SLC22A12: variants seen among roughly 807,000 people sequenced by gnomAD.
The protein encoded by SLC22A12 is organic anion transporter 4-like protein.
SLC22A12 carries 56 observed loss-of-function variants against 52.7 expected under a neutral mutation model. The ratio of observed to expected loss-of-function variants is 1.06; its 90% CI spans 0.86 to 1.33. The LOEUF is 1.33. SLC22A12 is among the 40% of genes most tolerant of loss of function. The pLI is 0.00. For missense variants in SLC22A12, 683 were observed against 741.5 expected, an observed-to-expected ratio of 0.92 and a Z score of 0.92; for synonymous variants, 337 against 324.6, an observed-to-expected ratio of 1.04 and a Z score of -0.41.
intron 4 of SLC22A12, 117 bp downstream of exon 4, chr11:64,593,920 G>A: frequency 7.1e-7 from 1 of 1,414,270 alleles, no homozygotes; most frequent in Non-Finnish European, 9.6e-7. Flanking sequence ...AGGGGTGCAT[G>A]GGCTGGAGGA....
chr11:64,598,308 C>T (rs1251974136), intron 4 of SLC22A12, among the ~76,000 whole-genome samples: 1 of 152,064 alleles, frequency 6.6e-6, no homozygotes, highest in Non-Finnish European at 1.5e-5. Flanking sequence ...ACCACAATCC[C>T]TAGGAGGGAG....
chr11:64,599,066 G>A (rs1270510425), intron 6 of SLC22A12, 143 bp downstream of exon 6: 33 of 1,270,734 alleles, frequency 2.6e-5, no homozygotes, highest in African/African-American at 5.9e-5. Flanking sequence ...AGTCACTCCC[G>A]ACAGGAGACA....
At chr11:64,595,518 AATGGATGGATGGATGGTTGGAATGG>A (rs776235854) in intron 4 of SLC22A12, among the ~76,000 whole-genome samples, 65,904 of 92,764 alleles carry the variant, frequency 0.71, 26,803 homozygotes, top group Non-Finnish European at 0.9. Context: ...GGTTGGAATG[AATGGATGGATGGATGGTTGGAATGG>A]ATGGATGGAT....
At position 64,600,855 on chromosome 11, in the gene SLC22A12, A is replaced by G; in HGVS notation, c.1515A>G (p.Pro505=). The G allele has an allele frequency of 6.2e-7, 1 of 1,608,834 alleles. No homozygotes were observed. Among genetic ancestry groups the G allele is most frequent in the Non-Finnish European group, 8.5e-7 (1 of 1,179,968 alleles). The change falls in exon 9 of 10, where the codon CCA becomes CCG. Residue 505 remains proline (P), a synonymous_variant. Coordinates refer to ENST00000377574, the MANE Select transcript of SLC22A12 (RefSeq NM_144585.4). ...WLPLLVYGTV[P]VLSGLAALLL... is the part of the protein sequence containing the mutation. The stretch of plus-strand genomic sequence containing the variant: ...CCTTGCTGGTGTATGGGACGGTGCC[A>G]GTGCTGAGTGGCCTGGCCGCACTGC...
intron 6 of SLC22A12, 67 bp from the exon 7 acceptor site, chr11:64,599,609 T>TTCCAC: frequency 4.5e-6 from 1 of 221,468 alleles, no homozygotes; most frequent in Non-Finnish European, 8.1e-6. Flanking sequence ...CGCCCATTGT[T>TTCCAC]CCCACCCTGC....
chr11:64,598,893 G>T lies in SLC22A12; in HGVS notation c.1040G>T (p.Arg347Leu), dbSNP rs953583254. 1.2e-6 allele frequency: 2 copies of T among 1,612,872 alleles called. No homozygotes were observed. The highest frequency in any genetic ancestry group is 2.2e-5 in the South Asian group (2 of 91,086). ...LGTLLRMPGL[R>L]FRTCISTLCW... is the part of the protein sequence containing the mutation. ...ACCCTGCTCCGCATGCCCGGACTGC[G>T]CTTCCGGACCTGTATCTCCACGTTG... Residue 347 changes from arginine (R) to leucine (L), a missense_variant, in exon 6 of 10, where the codon CGC becomes CTC. Arg to Leu is a moderately radical substitution (Grantham distance 102). Coordinates refer to ENST00000377574, the MANE Select transcript of SLC22A12 (RefSeq NM_144585.4).
intron 4 of SLC22A12, among the ~76,000 whole-genome samples, chr11:64,597,860 G>T (rs556282083): frequency 6.6e-6 from 1 of 152,172 alleles, no homozygotes; most frequent in African/African-American, 2.4e-5. Context: ...CCTGCCACAA[G>T]GAGGGGAGGT....
At position 64,591,901 on chromosome 11, in the gene SLC22A12, G is replaced by A. The variant is rs776503281; in HGVS notation, c.345G>A (p.Pro115=). The change falls in exon 1 of 10, where the codon CCG becomes CCA. Residue 115 remains proline, a synonymous_variant. Coordinates refer to ENST00000377574, the MANE Select transcript of SLC22A12 (RefSeq NM_144585.4). ...GCTGGAGCGAGGCCGACACGGAGCCGTGTGTGGATGGCTGGGTCTATGACC... is the reference window on the plus strand; with the variant it reads ...GCTGGAGCGAGGCCGACACGGAGCCATGTGTGGATGGCTGGGTCTATGACC... The part of the protein sequence containing the change: ...ATSWSEADTE[P]CVDGWVYDRS... The A allele has an allele frequency of 3.8e-5, 62 of 1,612,500 alleles. 1 individual carries two copies. In the Admixed American group the frequency reaches 4.3e-4, roughly 11 times the overall value.
intron 6 of SLC22A12, 89 bp downstream of exon 6, chr11:64,599,012 G>T: frequency 6.5e-7 from 1 of 1,532,018 alleles, no homozygotes. Context: ...TGCTGGCTCC[G>T]CTTGGTCCCA....
chr11:64,593,351 T>C, intron 2 of SLC22A12, 54 bp from the exon 3 acceptor site: 1 of 1,612,906 alleles, frequency 6.2e-7, no homozygotes. Context: ...CAGAGCCCCG[T>C]GGCCTGTGCC....
intron 1 of SLC22A12, 82 bp downstream of exon 1, chr11:64,592,040 A>G: frequency 3.9e-6 from 6 of 1,550,736 alleles, no homozygotes; most frequent in Non-Finnish European, 5.2e-6. Context: ...TCAAAGGTCC[A>G]GTCCTGGGAG....
chr11:64,595,699 AGATG>A lies in SLC22A12; in HGVS notation c.830+1914_830+1917del, dbSNP rs758110821. On this transcript the variant is annotated intron_variant, in intron 4 of 9. Coordinates refer to ENST00000377574, the MANE Select transcript of SLC22A12 (RefSeq NM_144585.4). ...AGATGGATGGATGGATGGTTGGAAT[AGATG>A]GATGGATGGATGGATGGTTGGAATA... Among the ~76,000 whole-genome samples the A allele has an allele frequency of 7.3e-4, 78 of 106,140 alleles. 1 individual carries two copies. The South Asian group carries it at 0.011, about 15-fold the overall frequency. 69.6% of individuals were successfully genotyped at this position (106,140 alleles called of 152,430 possible).
rs369356695 is a variant in SLC22A12 at position 64,598,500 on chromosome 11, G to C, written c.831-16G>C. 4.5e-6 allele frequency: 7 copies of C among 1,563,048 alleles called. No individual in the cohort carries two copies. Among genetic ancestry groups the C allele is most frequent in the Non-Finnish European group, 8.7e-7 (1 of 1,155,090 alleles). On this transcript the variant is annotated splice_polypyrimidine_tract_variant and intron_variant, in intron 4 of 9. Coordinates refer to ENST00000377574, the MANE Select transcript of SLC22A12 (RefSeq NM_144585.4). The stretch of plus-strand genomic sequence containing the variant: ...GGCCACAGGCAATGACCCCTCCCAC[G>C]CCCCCTCCACTTAAGGTGGCTGGCA...
chr11:64,601,377 G>C (rs994468358), intron 9 of SLC22A12, 111 bp from the exon 10 acceptor site: 7 of 1,104,156 alleles, frequency 6.3e-6, no homozygotes, highest in Non-Finnish European at 8.1e-6. Context: ...TCAGTTCTGG[G>C]CCCCCGAGAG....
Position 64,591,486 on chromosome 11 carries a change from G to A in SLC22A12, c.-71G>A. On this transcript the variant is annotated 5_prime_UTR_variant, in exon 1 of 10. Coordinates refer to ENST00000377574, the MANE Select transcript of SLC22A12 (RefSeq NM_144585.4). The stretch of plus-strand genomic sequence containing the variant: ...CCACCGTGGGGGAAACAGGCCCGTT[G>A]CCCTGGCCTCTTTGCCCTGGGCCAG... 6.3e-7 allele frequency: 1 copy of A among 1,592,158 alleles called. No homozygotes were observed. The highest frequency in any genetic ancestry group is 8.5e-7 in the Non-Finnish European group (1 of 1,172,906).
intron 1 of SLC22A12, 127 bp from the exon 2 acceptor site, chr11:64,592,652 T>G: frequency 1.2e-6 from 1 of 803,158 alleles, no homozygotes; most frequent in Non-Finnish European, 2.2e-6. Flanking sequence ...GGTCTTGCTC[T>G]AAAACCCTAG....
chr11:64,593,014 C>A, intron 2 of SLC22A12, 132 bp downstream of exon 2: 1 of 792,360 alleles, frequency 1.3e-6, no homozygotes, highest in Non-Finnish European at 2.1e-6. Flanking sequence ...GGGTGTGGGT[C>A]TCGGACCAGC....
chr11:64,601,470 C>G lies in SLC22A12; in HGVS notation c.1599-18C>G. ...CACTCCGCACCCCAAGACACACCCC[C>G]GTGTGCTTCCTGAACAGGGCAGTAA... On this transcript the variant is annotated intron_variant, in intron 9 of 9. Coordinates refer to ENST00000377574, the MANE Select transcript of SLC22A12 (RefSeq NM_144585.4). 6.2e-7 allele frequency: 1 copy of G among 1,612,356 alleles called. No homozygotes were observed. Among genetic ancestry groups the G allele is most frequent in the Non-Finnish European group, 8.5e-7 (1 of 1,179,420 alleles).
At chr11:64,597,856 A>C (rs982145661) in intron 4 of SLC22A12, among the ~76,000 whole-genome samples, 1 of 152,116 alleles carries the variant, frequency 6.6e-6, no homozygotes, top group Non-Finnish European at 1.5e-5. Flanking sequence ...GGGTCCTGCC[A>C]CAAGGAGGGG....
Sources: allele counts gnomAD v4.1 joint callset (sites outside exome capture counted in the v4.1 genomes callset), GRCh38; gene constraint gnomAD v4.1.1; transcripts MANE v1.5; gene names NCBI Gene and HGNC (gene_info 2026-07-23, HGNC 2026-07-21).